The following TBX18 variants were observed in gnomAD, a reference collection of about 807,000 sequenced individuals.
TBX18 encodes the protein T-box transcription factor 18.
TBX18 carries 21 observed loss-of-function variants against 55.0 expected under a neutral mutation model. The observed-to-expected ratio is 0.38, with a 90% CI of 0.27 to 0.55. The LOEUF (loss-of-function observed/expected upper bound fraction) is 0.55. Among genes scored for constraint, TBX18 ranks in the 20% least tolerant of loss-of-function variants. The pLI, the probability that TBX18 is intolerant of heterozygous loss-of-function variation, is 0.73. For synonymous variants in TBX18, 342 were observed against 326.1 expected, an observed-to-expected ratio of 1.05 and a Z score of -0.53; for missense variants, 840 against 799.6, an observed-to-expected ratio of 1.05 and a Z score of -0.61.
In TBX18 at chr6:84,735,327, A is replaced by G. The variant is rs969661993; in HGVS notation, c.*1358T>C. The G allele has an allele frequency of 1.3e-5, 2 of 152,198 alleles. No individual in the cohort carries two copies. The highest frequency in any genetic ancestry group is 4.8e-5 in the African/African-American group (2 of 41,448). The allele number at this position is 152,198 out of a possible 1,614,324, so 9.4% of individuals were successfully genotyped here. A position where few individuals can be genotyped will look rare whatever the true frequency, so the allele number is the denominator to read the frequency against. On this transcript the variant is annotated 3_prime_UTR_variant, in exon 8 of 8. Transcript: ENST00000369663. ...TCAACCATGCATATATTATTTTAGG[A>G]ATTAAAAAATTTAATACTGATTTTA...
Position 84,763,807 on chromosome 6 carries a change from G to T in TBX18, c.292+83C>A, listed in dbSNP as rs558538831. ...TGAGTGGCCTTGGCCATGTAGGGAC[G>T]CGGCGCGCACGCACACCCACAGACT... On this transcript the variant is annotated intron_variant, in intron 1 of 7. Transcript: ENST00000369663. 4.8e-5 allele frequency: 69 copies of T among 1,425,906 alleles called. No individual in the cohort carries two copies. The African/African-American group carries it at 9.8e-4, about 20-fold the overall frequency. The allele number at this position is 1,425,906 out of a possible 1,614,324, so 88.3% of individuals were successfully genotyped here.
At chr6:84,760,449 AT>A in intron 2 of TBX18, 93 bp from the exon 3 acceptor site, 1 of 709,364 alleles carries the variant, frequency 1.4e-6, no homozygotes, top group Non-Finnish European at 2.3e-6. Flanking sequence ...TTGGATCTCT[AT>A]TTTTAATATG....
At chr6:84,756,606 T>C (rs1767494468) in intron 4 of TBX18, 92 bp downstream of exon 4, 4 of 1,239,490 alleles carry the variant, frequency 3.2e-6, no homozygotes, top group Non-Finnish European at 4.6e-6. Flanking sequence ...CAATGAACAT[T>C]ATGATCTTAG....
chr6:84,764,236 C>A lies in TBX18; in HGVS notation c.-55G>T. 1 of 1,379,420 alleles carries A rather than the reference C, an allele frequency of 7.2e-7. No homozygotes were observed. Among genetic ancestry groups the A allele is most frequent in the Non-Finnish European group, 9.3e-7 (1 of 1,073,456 alleles). The allele number at this position is 1,379,420 out of a possible 1,614,324, so 85.4% of individuals were successfully genotyped here. ...TCTCATATACACTCACGCGGGCACA[C>A]GCGCGCTCTCGCTCTTCCCCCACCA... On this transcript the variant is annotated 5_prime_UTR_variant, in exon 1 of 8. Transcript: ENST00000369663.
chr6:84,747,002 G>A (rs968723593), intron 5 of TBX18, among the ~76,000 whole-genome samples: 3 of 151,926 alleles, frequency 2.0e-5, no homozygotes, highest in Non-Finnish European at 2.9e-5. Context: ...GTCTCCATAC[G>A]GATAAGAGCT....
At position 84,764,003 on chromosome 6, in the gene TBX18, C is replaced by T; in HGVS notation, c.179G>A (p.Gly60Asp). 6.4e-7 allele frequency: 1 copy of T among 1,561,412 alleles called. No individual in the cohort carries two copies. The highest frequency in any genetic ancestry group is 8.6e-7 in the Non-Finnish European group (1 of 1,157,824). Reference protein sequence around the residue: ...VDDGGCSRGGGAGEKGSSEGD... With the variant: ...VDDGGCSRGGDAGEKGSSEGD... The stretch of plus-strand genomic sequence containing the variant: ...CTCAGAAGAACCCTTTTCGCCCGCG[C>T]CGCCGCCGCGGCTGCAGCCTCCGTC... The change falls in exon 1 of 8, where the codon GGC (glycine) becomes GAC (aspartate). Residue 60 changes from glycine (G) to aspartate (D), a missense_variant. Physicochemically the swap from Gly to Asp is moderately conservative, Grantham distance 94. Coordinates refer to ENST00000369663, the MANE Select transcript of TBX18 (RefSeq NM_001080508.3).
chr6:84,745,356 T>A (rs1209624835), intron 5 of TBX18, among the ~76,000 whole-genome samples: 1 of 152,138 alleles, frequency 6.6e-6, no homozygotes, highest in African/African-American at 2.4e-5. Context: ...AAGAGACACA[T>A]CATGTTTTGG....
intron 7 of TBX18, 120 bp downstream of exon 7, chr6:84,738,377 G>T: frequency 1.2e-6 from 1 of 825,694 alleles, no homozygotes; most frequent in Non-Finnish European, 2.1e-6. Context: ...GGAATCTGTA[G>T]GACAATGCTG....
At chr6:84,757,762 C>A (rs545635540) in intron 3 of TBX18, among the ~76,000 whole-genome samples, 1 of 151,570 alleles carries the variant, frequency 6.6e-6, no homozygotes, top group East Asian at 1.9e-4. Flanking sequence ...ATTAAGATTA[C>A]CATTTATTAA....
chr6:84,759,511 A>G (rs990705473), intron 3 of TBX18, among the ~76,000 whole-genome samples: 11 of 152,066 alleles, frequency 7.2e-5, no homozygotes, highest in African/African-American at 1.2e-4. Context: ...AGAAAAATAT[A>G]AAGCATTGTC....
At chr6:84,747,639 A>G (rs112911465) in intron 5 of TBX18, among the ~76,000 whole-genome samples, 25 of 124,566 alleles carry the variant, frequency 2.0e-4, no homozygotes, top group African/African-American at 7.0e-4. Context: ...AGGCAATAAA[A>G]ATACATTCTA....
Position 84,764,208 on chromosome 6 carries a change from C to CT in TBX18, c.-28dup. 1 of 1,435,786 alleles carries CT rather than the reference C, an allele frequency of 7.0e-7. No individual in the cohort carries two copies. The highest frequency in any genetic ancestry group is 9.1e-7 in the Non-Finnish European group (1 of 1,103,404). The allele number at this position is 1,435,786 out of a possible 1,614,324, so 88.9% of individuals were successfully genotyped here. The stretch of plus-strand genomic sequence containing the variant: ...CCCCCCGCCCCGCGCCCGCCCGCCC[C>CT]TCTCTCATATACACTCACGCGGGCA... On this transcript the variant is annotated 5_prime_UTR_variant, in exon 1 of 8. Transcript: ENST00000369663.
At chr6:84,737,445 C>A in intron 7 of TBX18, 36 bp from the exon 8 acceptor site, 1 of 1,493,180 alleles carries the variant, frequency 6.7e-7, no homozygotes, top group Non-Finnish European at 8.9e-7. Context: ...AATGACTCCA[C>A]AGTCATCCTT....
chr6:84,747,917 T>C lies in TBX18; in HGVS notation c.939+3A>G. 6 of 1,610,306 alleles carry C rather than the reference T, an allele frequency of 3.7e-6. No homozygotes were observed. Among genetic ancestry groups the C allele is most frequent in the Non-Finnish European group, 5.1e-6 (6 of 1,177,758 alleles). ...ACAAAGATTCCAATTCTGAGAACAA[T>C]ACCTGCTGATTCTGATAGGCAGTGA... On this transcript the variant is annotated splice_donor_region_variant and intron_variant, in intron 5 of 7. Transcript: ENST00000369663.
In TBX18 at chr6:84,736,121, T is replaced by C. The variant is rs1459104062; in HGVS notation, c.*564A>G. ...ACCCAAGGTCATATAGTATGTGTGG[T>C]AAATAATAAGCAGGAATGAAAAAGC... On this transcript the variant is annotated 3_prime_UTR_variant, in exon 8 of 8. Transcript: ENST00000369663. The C allele has an allele frequency of 6.5e-6, 1 of 152,714 alleles. No individual in the cohort carries two copies. Among genetic ancestry groups the C allele is most frequent in the African/African-American group, 2.4e-5 (1 of 41,564 alleles). The allele number at this position is 152,714 out of a possible 1,614,324, so 9.5% of individuals were successfully genotyped here.
rs895135391 is a variant in TBX18 at position 84,744,467 on chromosome 6, T to G, written c.940-142A>C. 23 of 629,718 alleles carry G rather than the reference T, an allele frequency of 3.7e-5. No homozygotes were observed. The African/African-American group carries it at 4.3e-4, about 12-fold the overall frequency. 39.0% of individuals were successfully genotyped at this position (629,718 alleles called of 1,614,324 possible). On this transcript the variant is annotated intron_variant, in intron 5 of 7. Coordinates refer to ENST00000369663, the MANE Select transcript of TBX18 (RefSeq NM_001080508.3). ...CTCTTTTATTCCCCAAGTATTTTAA[T>G]ATCCTAGCAGTAAAGCTAAGGAAAA... is the stretch of plus-strand genomic sequence containing the variant.
chr6:84,744,346 AT>A, intron 5 of TBX18, 21 bp from the exon 6 acceptor site: 2 of 1,601,750 alleles, frequency 1.2e-6, no homozygotes, highest in East Asian at 2.2e-5. Context: ...GGAAAAAAAA[AT>A]ATCAAATCTT....
chr6:84,752,263 G>A (rs976005941), intron 4 of TBX18, among the ~76,000 whole-genome samples: 1 of 152,024 alleles, frequency 6.6e-6, no homozygotes, highest in Non-Finnish European at 1.5e-5. Context: ...AAAGGCAACT[G>A]TGTCTAGTCT....
At chr6:84,760,485 C>A in intron 2 of TBX18, 129 bp from the exon 3 acceptor site, 1 of 563,294 alleles carries the variant, frequency 1.8e-6, no homozygotes, top group Middle Eastern at 2.9e-4. Flanking sequence ...ATTCACTTTG[C>A]CAATGTAATT....
Sources: gnomAD v4.1 joint callset for allele counts (sites outside exome capture counted in the v4.1 genomes callset) on GRCh38, gnomAD v4.1.1 for gene constraint, MANE v1.5 for transcripts, NCBI Gene and HGNC (gene_info 2026-07-23, HGNC 2026-07-21) for gene names.